Variants in VPS35L observed in about 807,000 individuals in gnomAD.
The protein encoded by VPS35L is VPS35 endosomal protein sorting factor like.
Under a neutral mutation model 133.0 loss-of-function variants are expected in VPS35L, and 83 were observed. That is an observed-to-expected ratio of 0.62 (90% CI 0.52 to 0.75). The LOEUF (loss-of-function observed/expected upper bound fraction) is 0.75, where lower values mean the gene tolerates loss of function less well. Among genes scored for constraint, VPS35L ranks in the 30% least tolerant of loss-of-function variants. The pLI, the probability that VPS35L is intolerant of heterozygous loss-of-function variation, is 0.00. For missense variants in VPS35L, 1,083 were observed against 1,206.8 expected, an observed-to-expected ratio of 0.90 and a Z score of 1.52; for synonymous variants, 423 against 449.9, an observed-to-expected ratio of 0.94 and a Z score of 0.76.
chr16:19,660,695 G>T (rs565915202), intron 26 of VPS35L, among the ~76,000 whole-genome samples: 3 of 152,268 alleles, frequency 2.0e-5, no homozygotes, highest in African/African-American at 7.2e-5. Context: ...ACTCTTGTAG[G>T]TCCTAGTTAA....
intron 22 of VPS35L, among the ~76,000 whole-genome samples, chr16:19,642,683 G>A (rs760690438): frequency 6.6e-6 from 1 of 152,224 alleles, no homozygotes; most frequent in Non-Finnish European, 1.5e-5. Context: ...GGCAGATGTT[G>A]TTAGAAAGGA....
chr16:19,584,472 C>T (rs1971802522), intron 7 of VPS35L, among the ~76,000 whole-genome samples: 1 of 151,870 alleles, frequency 6.6e-6, no homozygotes, highest in Non-Finnish European at 1.5e-5. Context: ...ACTGAAAATA[C>T]AAAAATTAGC....
rs374130206 is a variant in VPS35L, at chr16:19,631,768, G to A, written c.1555-1324G>A. Among the ~76,000 whole-genome samples, 9 of 152,208 alleles carry A rather than the reference G, an allele frequency of 5.9e-5. 1 individual carries two copies. In the South Asian group the frequency reaches 8.3e-4, roughly 14 times the overall value. On this transcript the variant is annotated intron_variant, in intron 18 of 30. Transcript: ENST00000417362. The stretch of plus-strand genomic sequence containing the variant: ...CTGTTGCCCAGACTGGAGTCCAGTG[G>A]TGCAATCGTCACTCACTCCAGCCAT...
At chr16:19,585,962 A>G (rs1228277583) in intron 7 of VPS35L, among the ~76,000 whole-genome samples, 1 of 151,974 alleles carries the variant, frequency 6.6e-6, no homozygotes, top group Non-Finnish European at 1.5e-5. Flanking sequence ...CAGTGGTGCC[A>G]TCACAGCTCA....
intron 21 of VPS35L, among the ~76,000 whole-genome samples, chr16:19,640,653 C>G (rs1012271643): frequency 3.3e-5 from 5 of 152,170 alleles, no homozygotes; most frequent in African/African-American, 1.2e-4. Context: ...AAATTTAGTT[C>G]TTTTCATTTT....
intron 27 of VPS35L, among the ~76,000 whole-genome samples, chr16:19,678,569 C>T (rs1191751367): frequency 6.6e-6 from 1 of 151,870 alleles, no homozygotes; most frequent in African/African-American, 2.4e-5. Flanking sequence ...CCTCTGCCTC[C>T]CAGGTTCAAG....
chr16:19,613,655 T>G (rs1196390664), intron 12 of VPS35L, among the ~76,000 whole-genome samples: 1 of 152,218 alleles, frequency 6.6e-6, no homozygotes, highest in Non-Finnish European at 1.5e-5. Flanking sequence ...CAGGGCTGAT[T>G]CTTGGTGGAT....
At chr16:19,566,021 G>T (rs934076634) in intron 2 of VPS35L, among the ~76,000 whole-genome samples, 14 of 152,170 alleles carry the variant, frequency 9.2e-5, no homozygotes, top group Non-Finnish European at 1.8e-4. Flanking sequence ...GAGAAGAGAA[G>T]ATGTGATTGT....
At chr16:19,605,579 A>G (rs1972514711) in intron 9 of VPS35L, among the ~76,000 whole-genome samples, 1 of 152,122 alleles carries the variant, frequency 6.6e-6, no homozygotes, top group African/African-American at 2.4e-5. Flanking sequence ...GGTTATACCT[A>G]CCTCAGGGCC....
intron 13 of VPS35L, among the ~76,000 whole-genome samples, chr16:19,616,480 C>T (rs1225465028): frequency 6.6e-6 from 1 of 151,690 alleles, no homozygotes; most frequent in Admixed American, 6.6e-5. Flanking sequence ...CCACAGCGCT[C>T]ATTCCCAAAA....
At chr16:19,684,752 G>A (rs1353802322) in intron 28 of VPS35L, among the ~76,000 whole-genome samples, 1 of 152,186 alleles carries the variant, frequency 6.6e-6, no homozygotes, top group Non-Finnish European at 1.5e-5. Flanking sequence ...ACACTGCTTT[G>A]TTGATTACAA....
Position 19,642,468 on chromosome 16 carries a change from C to T in VPS35L, c.1857C>T (p.Asp619=), listed in dbSNP as rs1475563169. The change falls in exon 22 of 31, where the codon GAC becomes GAT. Residue 619 remains aspartate, a synonymous_variant. Transcript: ENST00000417362. The part of the protein sequence containing the change: ...ALLHVCKTMH[D]SVNALTLEDE... The stretch of plus-strand genomic sequence containing the variant: ...TGCATGTTTGCAAGACCATGCATGA[C>T]TCTGTGAAGTAAGCCATGCTTACAG... 1 of 1,611,944 alleles carries T rather than the reference C, an allele frequency of 6.2e-7. No individual in the cohort carries two copies.
chr16:19,595,495 G>A (rs1249083090), intron 8 of VPS35L, among the ~76,000 whole-genome samples: 1 of 152,160 alleles, frequency 6.6e-6, no homozygotes, highest in African/African-American at 2.4e-5. Context: ...TCCCCTGGCA[G>A]TCTCATTCCT....
chr16:19,575,237 C>A, intron 5 of VPS35L, 115 bp downstream of exon 5: 1 of 946,840 alleles, frequency 1.1e-6, no homozygotes, highest in South Asian at 1.4e-5. Context: ...TCAGTTGGAG[C>A]TGCTATTTCT....
intron 2 of VPS35L, among the ~76,000 whole-genome samples, chr16:19,568,283 G>A (rs1028899129): frequency 8.6e-5 from 13 of 151,550 alleles, no homozygotes; most frequent in African/African-American, 2.9e-4. Context: ...CACCTACCTG[G>A]AAGCTCTTCA....
Position 19,627,745 on chromosome 16 carries a change from C to T in VPS35L, c.1323C>T (p.Ala441=). Reference sequence around the variant, plus strand: ...CTGCCTTCCGGGCTGAGTTCATCGCCACAAGGTCTATGGATTTCATTGGCA... The same window carrying T: ...CTGCCTTCCGGGCTGAGTTCATCGCTACAAGGTCTATGGATTTCATTGGCA... ...VMSAFRAEFI[A]TRSMDFIGMI... Residue 441 remains alanine, a synonymous_variant, in exon 16 of 31, where the codon GCC becomes GCT. Coordinates refer to ENST00000417362, the MANE Select transcript of VPS35L (RefSeq NM_020314.7). The T allele has an allele frequency of 6.2e-7, 1 of 1,614,144 alleles. No homozygotes were observed. Among genetic ancestry groups the T allele is most frequent in the Non-Finnish European group, 8.5e-7 (1 of 1,179,992 alleles).
chr16:19,618,572 T>G (rs1972973358), intron 14 of VPS35L, among the ~76,000 whole-genome samples: 1 of 152,220 alleles, frequency 6.6e-6, no homozygotes, highest in Non-Finnish European at 1.5e-5. Context: ...AGTGGCAGTG[T>G]GGCCTAGTGT....
rs111364086 is a variant in VPS35L, at chr16:19,699,415, A to G, written c.2647-87A>G. The G allele has an allele frequency of 7.2e-6, 11 of 1,521,886 alleles. No homozygotes were observed. In the African/African-American group the frequency reaches 8.2e-5, roughly 11 times the overall value. 94.3% of individuals were successfully genotyped at this position (1,521,886 alleles called of 1,614,324 possible). On this transcript the variant is annotated intron_variant, in intron 29 of 30. Transcript: ENST00000417362. This position sits in a 1 kb window ranked among gnomAD's most constrained non-coding sequence, Gnocchi z 4.2. ...TGGCACTGGAACTCAGGCATGACCT[A>G]CCCCAGAGTCAGCACTGTCCACAGC... is the stretch of plus-strand genomic sequence containing the variant.
At position 19,610,346 on chromosome 16, in the gene VPS35L, G is replaced by C. The variant is rs766383921; in HGVS notation, c.954G>C (p.Arg318=). 5.0e-6 allele frequency: 8 copies of C among 1,614,080 alleles called. No homozygotes were observed. Among genetic ancestry groups the C allele is most frequent in the Non-Finnish European group, 6.8e-6 (8 of 1,180,020 alleles). The change falls in exon 12 of 31, where the codon CGG becomes CGC. Residue 318 remains arginine, a synonymous_variant. Coordinates refer to ENST00000417362, the MANE Select transcript of VPS35L (RefSeq NM_020314.7). ...SKTGISECLP[R]LTCMIRGIGD... ...GGGGAATTTCAGAGTGCCTGCCCCG[G>C]TTGACATGCATGATCAGAGGGATCG...
Sources: gnomAD v4.1 joint callset for allele counts (sites outside exome capture counted in the v4.1 genomes callset) on GRCh38, gnomAD v4.1.1 for gene constraint, Gnocchi (gnomAD v3.1) non-coding constraint, MANE v1.5 for transcripts, NCBI Gene and HGNC (gene_info 2026-07-23, HGNC 2026-07-21) for gene names.